C8orf34: variants seen among roughly 807,000 people sequenced by gnomAD.
C8orf34 encodes chromosome 8 open reading frame 34, also known as uncharacterized protein C8orf34.
In C8orf34, 65 loss-of-function variants were observed where a neutral mutation model predicts 68.3. The observed-to-expected ratio is 0.95, with a 90% confidence interval of 0.78 to 1.17. C8orf34 has a LOEUF of 1.17. Among genes scored for constraint, C8orf34 ranks in the 50% most tolerant of loss-of-function variants. The probability of loss-of-function intolerance (pLI) is 0.00; values close to 1 mark genes in which losing one functional copy is unlikely to be tolerated. For missense variants in C8orf34, 664 were observed against 655.4 expected (o/e 1.01, Z -0.14); for synonymous variants, 244 against 241.2 (o/e 1.01, Z -0.11).
intron 10 of C8orf34, among the ~76,000 whole-genome samples, chr8:68,766,805 G>T (rs952275751): frequency 5.9e-5 from 9 of 152,166 alleles, no homozygotes; most frequent in African/African-American, 2.2e-4. Context: ...TTTATTGCAA[G>T]ATTAAACACA....
intron 7 of C8orf34, among the ~76,000 whole-genome samples, chr8:68,604,537 A>G (rs1231157252): frequency 6.6e-6 from 1 of 152,150 alleles, no homozygotes; most frequent in East Asian, 1.9e-4. Context: ...CATGTGCTTA[A>G]AAATATGGAA....
chr8:68,704,717 A>G (rs538994349), intron 8 of C8orf34, among the ~76,000 whole-genome samples: 1 of 152,258 alleles, frequency 6.6e-6, no homozygotes, highest in African/African-American at 2.4e-5. Context: ...AAGACTGCTT[A>G]CTCACAAATC....
chr8:68,489,943 A>C lies in C8orf34; in HGVS notation c.765+1892A>C, dbSNP rs77650760. ...TTTCCTTTAATAAACAAACCATCAT[A>C]ATATTTTAGAATTAGTTTCATTGTC... On this transcript the variant is annotated intron_variant, in intron 5 of 13. Transcript: ENST00000518698. 1.4e-3 allele frequency among the ~76,000 whole-genome samples: 206 copies of C among 152,288 alleles called. 3 individuals are homozygous for C. In the East Asian group the frequency reaches 0.033, roughly 24 times the overall value.
intron 8 of C8orf34, among the ~76,000 whole-genome samples, chr8:68,671,664 A>G (rs1387983285): frequency 6.6e-6 from 1 of 152,206 alleles, no homozygotes; most frequent in Non-Finnish European, 1.5e-5. Context: ...TAAAAAATTA[A>G]GTTTTCTTAT....
At chr8:68,447,233 C>G (rs1233239631) in intron 3 of C8orf34, 1 of 152,170 alleles carries the variant, frequency 6.6e-6, no homozygotes, top group Admixed American at 6.6e-5. Context: ...GAAGTCACTC[C>G]TTACCATGAG....
At chr8:68,567,835 G>C (rs1816642366) in intron 7 of C8orf34, among the ~76,000 whole-genome samples, 1 of 151,608 alleles carries the variant, frequency 6.6e-6, no homozygotes, top group Non-Finnish European at 1.5e-5. Context: ...TCGCAACTTG[G>C]CTAACTGGTG....
At chr8:68,632,877 T>G (rs1312741929) in intron 7 of C8orf34, among the ~76,000 whole-genome samples, 1 of 152,128 alleles carries the variant, frequency 6.6e-6, no homozygotes, top group African/African-American at 2.4e-5. Context: ...CCATCTAGAT[T>G]TCAGAGAATG....
intron 1 of C8orf34, among the ~76,000 whole-genome samples, chr8:68,356,927 C>G (rs1220246932): frequency 1.3e-5 from 2 of 152,066 alleles, no homozygotes; most frequent in Non-Finnish European, 2.9e-5. Context: ...TTCATAGTGA[C>G]AAGCTAGATT....
chr8:68,684,729 C>A (rs1820461967), intron 8 of C8orf34, among the ~76,000 whole-genome samples: 1 of 151,878 alleles, frequency 6.6e-6, no homozygotes, highest in African/African-American at 2.4e-5. Context: ...AGACACTCAT[C>A]TAATTTCACA....
chr8:68,724,333 T>A (rs2129526583), intron 10 of C8orf34, among the ~76,000 whole-genome samples: 1 of 152,338 alleles, frequency 6.6e-6, no homozygotes, highest in South Asian at 2.1e-4. Flanking sequence ...AAGCAAATTT[T>A]GAGTCATATC....
chr8:68,424,772 C>A (rs1178856358), intron 1 of C8orf34, among the ~76,000 whole-genome samples: 1 of 151,880 alleles, frequency 6.6e-6, no homozygotes, highest in Admixed American at 6.6e-5. Context: ...TGGTGGTGGG[C>A]GCCTGTAGTC....
intron 10 of C8orf34, among the ~76,000 whole-genome samples, chr8:68,766,575 A>T (rs2129528220): frequency 6.6e-6 from 1 of 152,310 alleles, no homozygotes; most frequent in Admixed American, 6.5e-5. Flanking sequence ...TCATTTAACT[A>T]CTTCTGCTGA....
chr8:68,533,232 T>C, intron 7 of C8orf34, 83 bp downstream of exon 7: 1 of 1,478,688 alleles, frequency 6.8e-7, no homozygotes, highest in South Asian at 1.5e-5. Flanking sequence ...TTTTAAAAGT[T>C]TTGAATAGCC....
At chr8:68,544,236 A>G (rs1026555592) in intron 7 of C8orf34, among the ~76,000 whole-genome samples, 1 of 152,168 alleles carries the variant, frequency 6.6e-6, no homozygotes, top group African/African-American at 2.4e-5. Context: ...TGTGTCTGAG[A>G]AGTGAATAGA....
chr8:68,729,792 C>G (rs550884103), intron 10 of C8orf34, among the ~76,000 whole-genome samples: 1 of 152,182 alleles, frequency 6.6e-6, no homozygotes, highest in East Asian at 1.9e-4. Flanking sequence ...CTTTATATCT[C>G]CTTTCTTATT....
intron 8 of C8orf34, among the ~76,000 whole-genome samples, chr8:68,700,332 C>T (rs1378604735): frequency 6.6e-6 from 1 of 152,072 alleles, no homozygotes; most frequent in Non-Finnish European, 1.5e-5. Flanking sequence ...TCAAGGTAAG[C>T]AGGTTGCTCA....
chr8:68,653,072 T>C (rs1296388761), intron 8 of C8orf34, among the ~76,000 whole-genome samples: 1 of 152,196 alleles, frequency 6.6e-6, no homozygotes, highest in African/African-American at 2.4e-5. Context: ...AATACAATTA[T>C]TTATTTGTTT....
At chr8:68,709,819 A>G (rs935661261) in intron 9 of C8orf34, among the ~76,000 whole-genome samples, 2 of 152,158 alleles carry the variant, frequency 1.3e-5, no homozygotes, top group Non-Finnish European at 2.9e-5. Context: ...GCAATTCAAA[A>G]TGTTTGTTGT....
intron 1 of C8orf34, among the ~76,000 whole-genome samples, chr8:68,436,376 T>C (rs1473199189): frequency 6.6e-6 from 1 of 152,188 alleles, no homozygotes; most frequent in Non-Finnish European, 1.5e-5. Context: ...TATATTTTGT[T>C]TGCGACTTGT....
Sources: allele counts gnomAD v4.1 joint callset (sites outside exome capture counted in the v4.1 genomes callset), GRCh38; gene constraint gnomAD v4.1.1; transcripts MANE v1.5; gene names NCBI Gene and HGNC (gene_info 2026-07-23, HGNC 2026-07-21).